ACAP2: variants seen among roughly 807,000 people sequenced by gnomAD.
ACAP2 encodes the protein ArfGAP with coiled-coil, ankyrin repeat and PH domains 2, also known as arf-GAP with coiled-coil, ANK repeat and PH domain-containing protein 2.
In ACAP2, 39 loss-of-function variants were observed where a neutral mutation model predicts 115.8. That is an observed-to-expected ratio of 0.34 (90% CI 0.26 to 0.44). The LOEUF (loss-of-function observed/expected upper bound fraction) is 0.44, where lower values mean the gene tolerates loss of function less well. ACAP2 is among the 20% of genes least tolerant of loss of function. ACAP2 has a pLI of 1.00. For missense variants in ACAP2, 662 were observed against 927.6 expected (o/e 0.71, Z 3.72); for synonymous variants, 289 against 315.8 (o/e 0.92, Z 0.90).
chr3:195,422,664 G>A (rs1035205053), intron 1 of ACAP2, among the ~76,000 whole-genome samples: 2 of 151,954 alleles, frequency 1.3e-5, no homozygotes, highest in African/African-American at 4.8e-5. Context: ...TTTCTGTAGA[G>A]ACAAAGTCGT....
intron 7 of ACAP2, chr3:195,336,145 C>T (rs1730493639): frequency 6.6e-6 from 1 of 151,600 alleles, no homozygotes; most frequent in African/African-American, 2.4e-5. Flanking sequence ...CTCAGGTGAT[C>T]CACCCGCCTC....
In ACAP2 at chr3:195,292,416, G is replaced by A. The variant is rs143295502; in HGVS notation, c.1802C>T (p.Ser601Leu). The change falls in exon 19 of 23, where the codon TCG (serine) becomes TTG (leucine). Residue 601 changes from serine to leucine, a missense_variant. This residue lies in a region of ACAP2 where 133 missense variants were observed against 123.1 expected (regional missense o/e 1.08). Transcript: ENST00000326793. ...ERQDSSMFLD[S>L]KHLNPGLQLY... ...CTGAAGTCCTGGATTAAGATGTTTC[G>A]AGTCAAGAAACATAGAAGAATCTTG... 188 of 1,611,172 alleles carry A rather than the reference G, an allele frequency of 1.2e-4. No homozygotes were observed. The highest frequency in any genetic ancestry group is 6.6e-4 in the Middle Eastern group (4 of 6,046).
intron 1 of ACAP2, among the ~76,000 whole-genome samples, chr3:195,424,279 ATATATTTTTTT>A (rs1714465568): frequency 1.6e-4 from 8 of 50,690 alleles, no homozygotes; most frequent in African/African-American, 4.9e-4. Flanking sequence ...ATATATATAT[ATATATTTTTTT>A]TTTTTTTTTT....
rs1726150576 is a variant in ACAP2, at chr3:195,275,289, AG to A, written c.*4038del. On this transcript the variant is annotated 3_prime_UTR_variant, in exon 23 of 23. Coordinates refer to ENST00000326793, the MANE Select transcript of ACAP2 (RefSeq NM_012287.6). ...TTTGTCTCCACATTATCACATTTTA[AG>A]TGGATAAATTTATGTAAACAGAAAA... 6.6e-6 allele frequency: 1 copy of A among 152,274 alleles called. No individual in the cohort carries two copies. The highest frequency in any genetic ancestry group is 2.4e-5 in the African/African-American group (1 of 41,470). 9.4% of individuals were successfully genotyped at this position (152,274 alleles called of 1,614,324 possible).
intron 10 of ACAP2, among the ~76,000 whole-genome samples, chr3:195,313,694 G>A (rs779987142): frequency 6.6e-6 from 1 of 152,112 alleles, no homozygotes; most frequent in Non-Finnish European, 1.5e-5. Flanking sequence ...TATGCTCTTA[G>A]CTGTATTTTC....
At chr3:195,299,577 G>A (rs530650203) in intron 15 of ACAP2, among the ~76,000 whole-genome samples, 8 of 151,380 alleles carry the variant, frequency 5.3e-5, no homozygotes, top group South Asian at 4.2e-4. Flanking sequence ...GGTGGCTCAC[G>A]CCTGTAATCC....
At chr3:195,291,080 A>G (rs1727221876) in intron 20 of ACAP2, among the ~76,000 whole-genome samples, 1 of 152,102 alleles carries the variant, frequency 6.6e-6, no homozygotes, top group Admixed American at 6.5e-5. Flanking sequence ...CCACCACATA[A>G]TAATCGGATA....
intron 4 of ACAP2, among the ~76,000 whole-genome samples, chr3:195,361,069 T>G (rs1357493658): frequency 6.6e-6 from 1 of 151,626 alleles, no homozygotes; most frequent in Non-Finnish European, 1.5e-5. Context: ...ATGAGGAATT[T>G]TGGAAACTAT....
rs185136083 is a variant in ACAP2, at chr3:195,353,353, T to C, written c.286-8036A>G. Among the ~76,000 whole-genome samples, 266 of 152,318 alleles carry C rather than the reference T, an allele frequency of 1.7e-3. 7 individuals are homozygous for C. The highest frequency in any genetic ancestry group is 3.2e-4 in the Non-Finnish European group (22 of 68,036). On this transcript the variant is annotated intron_variant, in intron 4 of 22. Coordinates refer to ENST00000326793, the MANE Select transcript of ACAP2 (RefSeq NM_012287.6). Reference sequence around the variant, plus strand: ...CACTAAGTTTTCAAATAATCTGTTATACAGCAGTAGATAGCTAATATAACC... The same window carrying C: ...CACTAAGTTTTCAAATAATCTGTTACACAGCAGTAGATAGCTAATATAACC...
intron 2 of ACAP2, among the ~76,000 whole-genome samples, chr3:195,390,738 CACT>C (rs1303750360): frequency 1.3e-5 from 2 of 152,138 alleles, no homozygotes; most frequent in Non-Finnish European, 2.9e-5. Flanking sequence ...GTCTCAGGAG[CACT>C]ACGTTACACA....
intron 1 of ACAP2, among the ~76,000 whole-genome samples, chr3:195,410,287 A>G (rs148667526): frequency 1.4e-4 from 21 of 152,328 alleles, no homozygotes; most frequent in African/African-American, 5.1e-4. Flanking sequence ...TCCATGACTG[A>G]AATGTTAAGA....
intron 1 of ACAP2, 54 bp downstream of exon 1, chr3:195,442,741 C>T: frequency 6.6e-7 from 1 of 1,518,314 alleles, no homozygotes; most frequent in Non-Finnish European, 8.8e-7. Context: ...GCTTTCACGC[C>T]CCCAGCGCCG....
intron 1 of ACAP2, among the ~76,000 whole-genome samples, chr3:195,401,449 GAGGTC>G (rs1712287180): frequency 1.3e-5 from 2 of 152,128 alleles, no homozygotes; most frequent in Admixed American, 1.3e-4. Flanking sequence ...TGGATCTCTT[GAGGTC>G]AGGAGTTTGA....
chr3:195,369,038 C>G (rs911592274), intron 4 of ACAP2, among the ~76,000 whole-genome samples: 1 of 150,850 alleles, frequency 6.6e-6, no homozygotes, highest in Non-Finnish European at 1.5e-5. Flanking sequence ...GAGCTGAGAT[C>G]GTGCCACTGC....
intron 4 of ACAP2, among the ~76,000 whole-genome samples, chr3:195,369,924 G>GT (rs1733004499): frequency 6.6e-6 from 1 of 152,044 alleles, no homozygotes; most frequent in Non-Finnish European, 1.5e-5. Context: ...GGCAGCATGT[G>GT]TTTTTTACTT....
rs1316025950 is a variant in ACAP2 at position 195,389,687 on chromosome 3, A to G, written c.111+2403T>C. Among the ~76,000 whole-genome samples the G allele has an allele frequency of 2.0e-5, 3 of 152,260 alleles. No homozygotes were observed. In the East Asian group the frequency reaches 5.8e-4, roughly 29 times the overall value. On this transcript the variant is annotated intron_variant, in intron 2 of 22. Coordinates refer to ENST00000326793, the MANE Select transcript of ACAP2 (RefSeq NM_012287.6). ...AATGCCTCAGGGTAAAAAATAAAATAAAATAAAATAGTAATAAAAAGCCAG... is the reference window on the plus strand; with the variant it reads ...AATGCCTCAGGGTAAAAAATAAAATGAAATAAAATAGTAATAAAAAGCCAG...
At chr3:195,292,908 C>A (rs530443012) in intron 18 of ACAP2, among the ~76,000 whole-genome samples, 1 of 107,432 alleles carries the variant, frequency 9.3e-6, no homozygotes, top group East Asian at 2.9e-4. Context: ...AGCAATAGAG[C>A]GAGACTCAGT....
intron 4 of ACAP2, among the ~76,000 whole-genome samples, chr3:195,362,192 T>A (rs1037742008): frequency 1.3e-5 from 2 of 152,010 alleles, no homozygotes; most frequent in African/African-American, 4.8e-5. Flanking sequence ...GGCACTTGCC[T>A]GTAATCCCAG....
chr3:195,338,265 A>G (rs895698492), intron 6 of ACAP2, among the ~76,000 whole-genome samples: 1 of 152,186 alleles, frequency 6.6e-6, no homozygotes, highest in Non-Finnish European at 1.5e-5. Flanking sequence ...TAAGCACTCA[A>G]TAAATATTTC....
Sources: allele counts gnomAD v4.1 joint callset (sites outside exome capture counted in the v4.1 genomes callset), GRCh38; gene constraint gnomAD v4.1.1; regional missense constraint gnomAD v4.1.1; transcripts MANE v1.5; gene names NCBI Gene and HGNC (gene_info 2026-07-23, HGNC 2026-07-21).